ERC2: variants seen among roughly 807,000 people sequenced by gnomAD.
ERC2 encodes the protein ELKS/RAB6-interacting/CAST family member 2.
In ERC2, 42 loss-of-function variants were observed where a neutral mutation model predicts 114.8. The observed-to-expected ratio is 0.37, with a 90% confidence interval of 0.29 to 0.47. The LOEUF is 0.47. ERC2 is among the 20% of genes least tolerant of loss of function. ERC2 has a pLI of 0.99. For synonymous variants in ERC2, 454 were observed against 425.5 expected (o/e 1.07, Z -0.82); for missense variants, 939 against 1,150.7 (o/e 0.82, Z 2.66).
intron 3 of ERC2, among the ~76,000 whole-genome samples, chr3:56,292,748 G>A (rs2150350069): frequency 6.6e-6 from 1 of 152,316 alleles, no homozygotes; most frequent in East Asian, 1.9e-4. Context: ...GATGGGCAAA[G>A]TAACAGCACC....
Position 56,380,768 on chromosome 3 carries a change from A to G in ERC2, c.657+53583T>C, listed in dbSNP as rs142604703. ...TGGAGGTAAAGTTCAAATTGCTACA[A>G]GTTGTAAATTTGTTCTTGAAATATC... On this transcript the variant is annotated intron_variant, in intron 2 of 17. Coordinates refer to ENST00000288221, the MANE Select transcript of ERC2 (RefSeq NM_015576.3). Among the ~76,000 whole-genome samples the G allele has an allele frequency of 9.9e-3, 1,509 of 152,346 alleles. 94 individuals are homozygous for G. Among genetic ancestry groups the G allele is most frequent in the Admixed American group, 0.09 (1,373 of 15,294 alleles).
At chr3:56,182,288 T>C (rs535927031) in intron 3 of ERC2, among the ~76,000 whole-genome samples, 3 of 152,314 alleles carry the variant, frequency 2.0e-5, no homozygotes, top group South Asian at 2.1e-4. Context: ...GTAAACTCCA[T>C]GAGAACAGTG....
rs1355721637 is a variant in ERC2, at chr3:55,634,011, G to A, written c.*39+49783C>T. Among the ~76,000 whole-genome samples, 4 of 152,122 alleles carry A rather than the reference G, an allele frequency of 2.6e-5. No homozygotes were observed. The East Asian group carries it at 7.7e-4, about 29-fold the overall frequency. On this transcript the variant is annotated intron_variant, in intron 17 of 17. Coordinates refer to ENST00000288221, the MANE Select transcript of ERC2 (RefSeq NM_015576.3). ...AGATCAGGGGACTTGCCACTCCAAA[G>A]CAGCCCCTTCAGATGTGGTCAGTTT... is the stretch of plus-strand genomic sequence containing the variant.
At chr3:56,231,069 G>T (rs1212128185) in intron 3 of ERC2, among the ~76,000 whole-genome samples, 1 of 152,156 alleles carries the variant, frequency 6.6e-6, no homozygotes, top group Non-Finnish European at 1.5e-5. Flanking sequence ...GGAAACTGAG[G>T]CTTAGACCTA....
chr3:55,526,757 C>G (rs574988802), intron 17 of ERC2, among the ~76,000 whole-genome samples: 3 of 152,314 alleles, frequency 2.0e-5, no homozygotes, highest in African/African-American at 7.2e-5. Flanking sequence ...GACTCGTCCC[C>G]GGGCCAGGGT....
At chr3:55,836,412 A>G (rs889721886) in intron 14 of ERC2, among the ~76,000 whole-genome samples, 2 of 152,214 alleles carry the variant, frequency 1.3e-5, no homozygotes, top group African/African-American at 4.8e-5. Context: ...AGAGATATAG[A>G]TCAATGGAAC....
intron 14 of ERC2, among the ~76,000 whole-genome samples, chr3:55,884,599 C>T (rs1257521112): frequency 1.3e-5 from 2 of 151,988 alleles, no homozygotes; most frequent in Non-Finnish European, 2.9e-5. Flanking sequence ...AATATAATGA[C>T]AAATGAGCTA....
intron 6 of ERC2, among the ~76,000 whole-genome samples, chr3:56,119,763 T>C (rs901608960): frequency 6.6e-6 from 1 of 152,144 alleles, no homozygotes; most frequent in African/African-American, 2.4e-5. Context: ...GATGAATCAT[T>C]AGTAGTCACC....
intron 17 of ERC2, among the ~76,000 whole-genome samples, chr3:55,547,890 G>GGGGTAGAGCT (rs2054870880): frequency 6.6e-6 from 1 of 152,220 alleles, no homozygotes; most frequent in Non-Finnish European, 1.5e-5. Context: ...TGGACTAGTT[G>GGGGTAGAGCT]GGGTAGAGCT....
At chr3:56,463,182 C>T (rs1215786921) in intron 1 of ERC2, among the ~76,000 whole-genome samples, 1 of 152,024 alleles carries the variant, frequency 6.6e-6, no homozygotes, top group Non-Finnish European at 1.5e-5. Flanking sequence ...GAGCTGAGAT[C>T]GGTGCCACTG....
intron 17 of ERC2, among the ~76,000 whole-genome samples, chr3:55,619,946 G>C (rs967177302): frequency 6.6e-6 from 1 of 152,120 alleles, no homozygotes; most frequent in African/African-American, 2.4e-5. Flanking sequence ...TTCAATCAAG[G>C]GTTCTTTGAA....
chr3:55,912,170 G>A (rs1479051099), intron 13 of ERC2, among the ~76,000 whole-genome samples: 1 of 152,144 alleles, frequency 6.6e-6, no homozygotes, highest in African/African-American at 2.4e-5. Context: ...CATAGTATGG[G>A]GTGTGGAGAG....
At chr3:56,229,902 C>T (rs533012418) in intron 3 of ERC2, among the ~76,000 whole-genome samples, 12 of 110,836 alleles carry the variant, frequency 1.1e-4, no homozygotes, top group Admixed American at 4.1e-4. Flanking sequence ...GATGGAGTCT[C>T]GCTCTGTCGC....
At chr3:56,433,162 G>T (rs962117740) in intron 2 of ERC2, among the ~76,000 whole-genome samples, 2 of 136,966 alleles carry the variant, frequency 1.5e-5, no homozygotes, top group Non-Finnish European at 3.0e-5. Flanking sequence ...CTGAGCAACA[G>T]CAAGACCCTG....
intron 4 of ERC2, among the ~76,000 whole-genome samples, chr3:56,158,281 C>T (rs1359160386): frequency 1.3e-5 from 2 of 152,018 alleles, no homozygotes; most frequent in African/African-American, 4.8e-5. Flanking sequence ...GTTCCTAGGT[C>T]ATTTATTATC....
intron 14 of ERC2, among the ~76,000 whole-genome samples, chr3:55,771,726 G>A (rs931766986): frequency 7.0e-6 from 1 of 143,014 alleles, no homozygotes; most frequent in Non-Finnish European, 1.6e-5. Flanking sequence ...GCACTGAGGC[G>A]AGATAATTAA....
At chr3:55,778,732 G>A (rs890046332) in intron 14 of ERC2, among the ~76,000 whole-genome samples, 1 of 152,160 alleles carries the variant, frequency 6.6e-6, no homozygotes, top group Non-Finnish European at 1.5e-5. Flanking sequence ...CCCATGCAAA[G>A]GATATGAATA....
chr3:56,167,646 G>A lies in ERC2; in HGVS notation c.1149+5800C>T, dbSNP rs776620195. Among the ~76,000 whole-genome samples, 78 of 152,180 alleles carry A rather than the reference G, an allele frequency of 5.1e-4. 1 individual carries two copies. The highest frequency in any genetic ancestry group is 9.0e-4 in the Non-Finnish European group (61 of 68,006). On this transcript the variant is annotated intron_variant, in intron 4 of 17. Coordinates refer to ENST00000288221, the MANE Select transcript of ERC2 (RefSeq NM_015576.3). ...ATTGGGGGGTCCAGTTGGAAAATGAGAAGATAGAGAAATTTCCCAAGAAAA... is the reference window on the plus strand; with the variant it reads ...ATTGGGGGGTCCAGTTGGAAAATGAAAAGATAGAGAAATTTCCCAAGAAAA...
chr3:55,669,383 A>G (rs1460673416), intron 17 of ERC2, among the ~76,000 whole-genome samples: 4 of 152,248 alleles, frequency 2.6e-5, no homozygotes, highest in Non-Finnish European at 5.9e-5. Flanking sequence ...AAGTGTGTAC[A>G]TGCTTTTCTC....
Sources: gnomAD v4.1 joint callset for allele counts (sites outside exome capture counted in the v4.1 genomes callset) on GRCh38, gnomAD v4.1.1 for gene constraint, MANE v1.5 for transcripts, NCBI Gene and HGNC (gene_info 2026-07-23, HGNC 2026-07-21) for gene names.